The following UNC80 variants were observed in gnomAD, a reference collection of about 807,000 sequenced individuals.
UNC80 encodes protein unc-80 homolog.
In UNC80, 164 loss-of-function variants were observed where a neutral mutation model predicts 384.6. That is an observed-to-expected ratio of 0.43 (90% CI 0.38 to 0.49). The LOEUF (loss-of-function observed/expected upper bound fraction) is 0.49. UNC80 is among the 20% of genes least tolerant of loss of function. UNC80 has a pLI of 0.00. For missense variants in UNC80, 3,330 were observed against 4,143.0 expected (o/e 0.80, Z 5.39); for synonymous variants, 1,486 against 1,527.8 (o/e 0.97, Z 0.64).
At chr2:209,975,118 G>A (rs1386670257) in intron 56 of UNC80, among the ~76,000 whole-genome samples, 7 of 152,180 alleles carry the variant, frequency 4.6e-5, no homozygotes, top group Non-Finnish European at 1.0e-4. Context: ...GGATTTTAGA[G>A]AATTGGATTT....
At chr2:209,929,273 A>G (rs1347235383) in intron 36 of UNC80, among the ~76,000 whole-genome samples, 2 of 152,168 alleles carry the variant, frequency 1.3e-5, no homozygotes, top group Admixed American at 6.6e-5. Context: ...GGGTACTTCT[A>G]GACAATCTTA....
At chr2:209,782,947 G>A (rs2077230818) in intron 4 of UNC80, among the ~76,000 whole-genome samples, 2 of 150,240 alleles carry the variant, frequency 1.3e-5, no homozygotes, top group Non-Finnish European at 3.0e-5. Flanking sequence ...AGTGCCTGCT[G>A]TATGCTAGCT....
At chr2:209,826,163 G>A in intron 14 of UNC80, 110 bp downstream of exon 14, 10 of 1,224,880 alleles carry the variant, frequency 8.2e-6, no homozygotes, top group Non-Finnish European at 1.1e-5. Context: ...ATTGTATTTT[G>A]TAGGAATAAT....
chr2:209,900,223 T>C (rs1007264643), intron 28 of UNC80, among the ~76,000 whole-genome samples: 3 of 152,206 alleles, frequency 2.0e-5, no homozygotes, highest in African/African-American at 4.8e-5. Flanking sequence ...TTTGGAGATA[T>C]CGCATTTTTT....
In UNC80 at chr2:209,976,310, T is replaced by C. The variant is rs1354711498; in HGVS notation, c.8772+7T>C. ...CCCTTTCATCCAGTGCAAGGTGTGGTGTGTGCTTCTCCTCCTGAAAGTGGC... is the reference window on the plus strand; with the variant it reads ...CCCTTTCATCCAGTGCAAGGTGTGGCGTGTGCTTCTCCTCCTGAAAGTGGC... On this transcript the variant is annotated splice_region_variant and intron_variant, in intron 57 of 64. Transcript: ENST00000673920. This position sits in a 1 kb window ranked among gnomAD's most constrained non-coding sequence, Gnocchi z 4.3. 2 of 1,551,660 alleles carry C rather than the reference T, an allele frequency of 1.3e-6. No homozygotes were observed. The highest frequency in any genetic ancestry group is 2.7e-5 in the African/African-American group (2 of 73,042).
At chr2:209,847,727 T>C (rs925806194) in intron 21 of UNC80, among the ~76,000 whole-genome samples, 1 of 152,060 alleles carries the variant, frequency 6.6e-6, no homozygotes, top group Non-Finnish European at 1.5e-5. Context: ...ATTTGTGAAA[T>C]ACATATTCTT....
At chr2:209,774,966 C>A (rs1460182588) in intron 2 of UNC80, among the ~76,000 whole-genome samples, 1 of 152,116 alleles carries the variant, frequency 6.6e-6, no homozygotes, top group Non-Finnish European at 1.5e-5. Flanking sequence ...TCCAATAATA[C>A]AGTTTGAACA....
chr2:209,882,691 T>G (rs1035841603), intron 25 of UNC80, among the ~76,000 whole-genome samples: 1 of 152,220 alleles, frequency 6.6e-6, no homozygotes, highest in African/African-American at 2.4e-5. Flanking sequence ...CTATCAGTAT[T>G]ATCCCTATCA....
At chr2:209,914,519 A>G (rs1365053782) in intron 31 of UNC80, among the ~76,000 whole-genome samples, 1 of 152,024 alleles carries the variant, frequency 6.6e-6, no homozygotes, top group African/African-American at 2.4e-5. Context: ...GTATGAAGCT[A>G]AAAGTATTGC....
intron 7 of UNC80, among the ~76,000 whole-genome samples, chr2:209,798,060 G>A (rs534051716): frequency 1.3e-5 from 2 of 152,050 alleles, no homozygotes; most frequent in Non-Finnish European, 2.9e-5. Context: ...CTGGATATTA[G>A]ACTTTTGTCA....
At chr2:209,894,133 A>C in intron 26 of UNC80, 30 bp from the exon 27 acceptor site, 1 of 983,646 alleles carries the variant, frequency 1.0e-6, no homozygotes, top group Non-Finnish European at 1.2e-6. Flanking sequence ...ACTAGGGGGG[A>C]AAAAGCCCTA....
chr2:209,958,988 A>G lies in UNC80; in HGVS notation c.7551-131A>G, dbSNP rs1440331111. 6 of 684,384 alleles carry G rather than the reference A, an allele frequency of 8.8e-6. No homozygotes were observed. The East Asian group carries it at 1.7e-4, about 19-fold the overall frequency. 42.4% of individuals were successfully genotyped at this position (684,384 alleles called of 1,614,324 possible). A position where few individuals can be genotyped will look rare whatever the true frequency, so the allele number is the denominator to read the frequency against. ...AAAGCCTTTATGTTTTAGGAGTAAT[A>G]TATGTATATTTGTGAGCTTATCAAA... On this transcript the variant is annotated intron_variant, in intron 49 of 64. Coordinates refer to ENST00000673920, the MANE Select transcript of UNC80 (RefSeq NM_001371986.1).
rs981796133 is a variant in UNC80, at chr2:209,814,328, C to T, written c.1200+487C>T. ...TTGGCTCACTGCAAGCTCCGCCTACCGGGTTCACGCCATTCTCCTGCCTCA... is the reference window on the plus strand; with the variant it reads ...TTGGCTCACTGCAAGCTCCGCCTACTGGGTTCACGCCATTCTCCTGCCTCA... On this transcript the variant is annotated intron_variant, in intron 8 of 64. Transcript: ENST00000673920. 1.8e-4 allele frequency among the ~76,000 whole-genome samples: 27 copies of T among 152,110 alleles called. 1 individual carries two copies. The highest frequency in any genetic ancestry group is 6.8e-3 in the Middle Eastern group (2 of 294).
In UNC80 at chr2:209,835,005, A is replaced by T; in HGVS notation, c.3036A>T (p.Pro1012=). The change falls in exon 18 of 65, where the codon CCA becomes CCT. Residue 1012 remains proline, a synonymous_variant. Coordinates refer to ENST00000673920, the MANE Select transcript of UNC80 (RefSeq NM_001371986.1). ...SFMSGRPSQT[P]EHDEQMQGAN... is the part of the protein sequence containing the mutation. ...TGTCTGGTCGCCCCTCACAGACTCCAGAGCAGTAAGTAGCGTTGGTTTTGT... is the reference window on the plus strand; with the variant it reads ...TGTCTGGTCGCCCCTCACAGACTCCTGAGCAGTAAGTAGCGTTGGTTTTGT... The T allele has an allele frequency of 6.5e-7, 1 of 1,550,136 alleles. No homozygotes were observed. The highest frequency in any genetic ancestry group is 8.7e-7 in the Non-Finnish European group (1 of 1,145,972).
intron 7 of UNC80, chr2:209,808,761 C>A (rs924598809): frequency 8.0e-6 from 2 of 249,094 alleles, no homozygotes; most frequent in Non-Finnish European, 7.8e-6. Context: ...GGGTCGCCTG[C>A]GCTACTTCTG....
intron 9 of UNC80, among the ~76,000 whole-genome samples, chr2:209,816,410 A>G (rs756744051): frequency 6.6e-6 from 1 of 152,202 alleles, no homozygotes; most frequent in Non-Finnish European, 1.5e-5. Context: ...AGTGGCGCAC[A>G]TTTAAAGTTG....
At position 209,823,375 on chromosome 2, in the gene UNC80, C is replaced by G. The variant is rs146401335; in HGVS notation, c.2332-2532C>G. Among the ~76,000 whole-genome samples, 187 of 152,250 alleles carry G rather than the reference C, an allele frequency of 1.2e-3. 1 individual carries two copies. The highest frequency in any genetic ancestry group is 4.4e-3 in the African/African-American group (181 of 41,548). ...TTTAAAATATGTGTAAACCAGTCTT[C>G]CAAATAAGCCCTTGCTCAGGATGAC... On this transcript the variant is annotated intron_variant, in intron 13 of 64. Coordinates refer to ENST00000673920, the MANE Select transcript of UNC80 (RefSeq NM_001371986.1).
chr2:209,834,883 G>C (rs924143942), intron 17 of UNC80, 29 bp from the exon 18 acceptor site: 16 of 1,519,796 alleles, frequency 1.1e-5, no homozygotes, highest in Admixed American at 2.0e-5. Flanking sequence ...CTGCTCTGCT[G>C]TAATTGTTGG....
intron 35 of UNC80, among the ~76,000 whole-genome samples, chr2:209,925,848 A>G (rs533957467): frequency 2.7e-5 from 4 of 150,184 alleles, no homozygotes; most frequent in African/African-American, 7.6e-5. Flanking sequence ...GAATGACAGT[A>G]TAAGTCTCTT....
Sources: gnomAD v4.1 joint callset for allele counts (sites outside exome capture counted in the v4.1 genomes callset) on GRCh38, gnomAD v4.1.1 for gene constraint, Gnocchi (gnomAD v3.1) non-coding constraint, MANE v1.5 for transcripts, NCBI Gene and HGNC (gene_info 2026-07-23, HGNC 2026-07-21) for gene names.